KIAA1328: variants seen among roughly 807,000 people sequenced by gnomAD.
The protein encoded by KIAA1328 is KIAA1328.
Under a neutral mutation model 68.1 loss-of-function variants are expected in KIAA1328, and 52 were observed. That is an observed-to-expected ratio of 0.76 (90% CI 0.61 to 0.96). KIAA1328 has a LOEUF of 0.96. Ranked by LOEUF, KIAA1328 falls within the 40% of genes least tolerant of loss-of-function variation. The pLI is 0.00. For missense variants in KIAA1328, 641 were observed against 677.6 expected (o/e 0.95, Z 0.60); for synonymous variants, 232 against 239.4 (o/e 0.97, Z 0.28).
In KIAA1328 at chr18:36,888,228, C is replaced by T. The variant is rs149890246; in HGVS notation, c.448+2556C>T. ...CAGTAGTGTGCCAGCTAATTCCAGC[C>T]ATACTCATTCCTTTATGTATTGTCC... On this transcript the variant is annotated intron_variant, in intron 5 of 9. Transcript: ENST00000280020. Among the ~76,000 whole-genome samples, 4 of 152,256 alleles carry T rather than the reference C, an allele frequency of 2.6e-5. No individual in the cohort carries two copies. The East Asian group carries it at 7.7e-4, about 29-fold the overall frequency.
intron 9 of KIAA1328, among the ~76,000 whole-genome samples, chr18:37,189,722 A>G (rs947022064): frequency 2.0e-5 from 3 of 152,174 alleles, no homozygotes; most frequent in Admixed American, 6.5e-5. Flanking sequence ...AGGGCTATTT[A>G]TATGGGTTAG....
At chr18:37,063,109 C>T (rs1351242990) in intron 6 of KIAA1328, among the ~76,000 whole-genome samples, 2 of 150,776 alleles carry the variant, frequency 1.3e-5, no homozygotes, top group Non-Finnish European at 2.9e-5. Context: ...CATATGTATA[C>T]ATGGCTGCAT....
chr18:36,953,161 T>G (rs985378754), intron 5 of KIAA1328, among the ~76,000 whole-genome samples: 1 of 149,926 alleles, frequency 6.7e-6, no homozygotes, highest in Non-Finnish European at 1.5e-5. Flanking sequence ...TGTGTATTTT[T>G]AATACATATA....
chr18:37,226,032 G>GA (rs1425535553), downstream of KIAA1328, among the ~76,000 whole-genome samples: 1 of 151,960 alleles, frequency 6.6e-6, no homozygotes, highest in Non-Finnish European at 1.5e-5. Context: ...CCCCTAATTT[G>GA]AAAAAAATAC....
intron 5 of KIAA1328, among the ~76,000 whole-genome samples, chr18:36,952,900 C>A (rs932584854): frequency 6.6e-6 from 1 of 151,826 alleles, no homozygotes; most frequent in African/African-American, 2.4e-5. Flanking sequence ...CAAGTTTCTG[C>A]TTCTCACATG....
intron 6 of KIAA1328, among the ~76,000 whole-genome samples, chr18:36,981,015 A>G (rs1444739867): frequency 6.6e-6 from 1 of 152,230 alleles, no homozygotes; most frequent in Non-Finnish European, 1.5e-5. Flanking sequence ...AGACTAATAC[A>G]CCAACTAACA....
chr18:37,179,049 T>C (rs1329533361), intron 9 of KIAA1328, among the ~76,000 whole-genome samples: 1 of 152,202 alleles, frequency 6.6e-6, no homozygotes, highest in African/African-American at 2.4e-5. Context: ...GTTAATTGTG[T>C]CCTTTGCTGT....
chr18:36,949,553 A>T (rs911561348), intron 5 of KIAA1328, among the ~76,000 whole-genome samples: 13 of 150,340 alleles, frequency 8.6e-5, no homozygotes, highest in African/African-American at 2.9e-4. Context: ...TGAGAAAAAG[A>T]CAGAATGTAA....
At chr18:37,003,555 A>G (rs757010762) in intron 6 of KIAA1328, among the ~76,000 whole-genome samples, 4 of 152,068 alleles carry the variant, frequency 2.6e-5, no homozygotes, top group African/African-American at 9.7e-5. Flanking sequence ...TACTCTGCTA[A>G]TGGTTCCTTT....
At chr18:37,111,268 A>AG (rs2057922252) in intron 7 of KIAA1328, among the ~76,000 whole-genome samples, 1 of 152,160 alleles carries the variant, frequency 6.6e-6, no homozygotes. Flanking sequence ...CCACAGGGAG[A>AG]ATTTTTCATT....
intron 3 of KIAA1328, among the ~76,000 whole-genome samples, chr18:36,838,169 C>A (rs1388324697): frequency 6.6e-6 from 1 of 152,124 alleles, no homozygotes; most frequent in Non-Finnish European, 1.5e-5. Context: ...TTGTATCCTG[C>A]AACTTTATCA....
At chr18:37,032,736 G>C (rs1012324357) in intron 6 of KIAA1328, among the ~76,000 whole-genome samples, 4 of 152,140 alleles carry the variant, frequency 2.6e-5, no homozygotes, top group Non-Finnish European at 2.9e-5. Context: ...CCGCCTCCCA[G>C]ATTCAAGCGA....
intron 7 of KIAA1328, among the ~76,000 whole-genome samples, chr18:37,116,513 A>G (rs1191349845): frequency 6.6e-6 from 1 of 152,236 alleles, no homozygotes; most frequent in Non-Finnish European, 1.5e-5. Flanking sequence ...AATTAATTCA[A>G]GATGGATTAA....
chr18:37,224,780 A>G lies in KIAA1328; in HGVS notation c.*2553A>G. The G allele has an allele frequency of 1.0e-6, 1 of 985,350 alleles. No individual in the cohort carries two copies. The highest frequency in any genetic ancestry group is 1.2e-6 in the Non-Finnish European group (1 of 829,916). 61.0% of individuals were successfully genotyped at this position (985,350 alleles called of 1,614,324 possible). Reference sequence around the variant, plus strand: ...TAGACACTTCCCAAAGCAAGACTGGACACATGCCGAGGGCGTTGCGGATAG... The same window carrying G: ...TAGACACTTCCCAAAGCAAGACTGGGCACATGCCGAGGGCGTTGCGGATAG... On this transcript the variant is annotated 3_prime_UTR_variant, in exon 10 of 10. Coordinates refer to ENST00000280020, the MANE Select transcript of KIAA1328 (RefSeq NM_020776.3).
At chr18:37,057,213 A>T (rs970532557) in intron 6 of KIAA1328, among the ~76,000 whole-genome samples, 18 of 152,270 alleles carry the variant, frequency 1.2e-4, no homozygotes, top group Non-Finnish European at 2.1e-4. Flanking sequence ...ATGCCTATTC[A>T]TAGGATTCTT....
At chr18:37,197,214 T>C (rs1444950149) in intron 9 of KIAA1328, among the ~76,000 whole-genome samples, 1 of 152,118 alleles carries the variant, frequency 6.6e-6, no homozygotes, top group African/African-American at 2.4e-5. Flanking sequence ...CTTTTCTCTT[T>C]TTTTCTTAAT....
intron 5 of KIAA1328, among the ~76,000 whole-genome samples, chr18:36,917,717 T>G (rs1041270631): frequency 3.3e-5 from 5 of 152,170 alleles, no homozygotes; most frequent in African/African-American, 1.2e-4. Flanking sequence ...TGCAGTTCCT[T>G]TCTCCTTCCT....
intron 6 of KIAA1328, among the ~76,000 whole-genome samples, chr18:36,969,340 A>G (rs2052074576): frequency 6.6e-6 from 1 of 152,154 alleles, no homozygotes; most frequent in African/African-American, 2.4e-5. Context: ...AGATAAACGA[A>G]GCCAGGAGCT....
At chr18:37,217,307 G>A (rs1329760709) in intron 9 of KIAA1328, among the ~76,000 whole-genome samples, 7 of 152,226 alleles carry the variant, frequency 4.6e-5, no homozygotes, top group African/African-American at 7.2e-5. Context: ...GGCTGGTACC[G>A]GTTGTTCCTT....
Sources: gnomAD v4.1 joint callset for allele counts (sites outside exome capture counted in the v4.1 genomes callset) on GRCh38, gnomAD v4.1.1 for gene constraint, MANE v1.5 for transcripts, NCBI Gene and HGNC (gene_info 2026-07-23, HGNC 2026-07-21) for gene names.